Variants in CARNMT1 observed in about 807,000 individuals in gnomAD.
CARNMT1 encodes the protein protein-L-histidine N-pros-methyltransferase CARNMT1.
In CARNMT1, 28 loss-of-function variants were observed where a neutral mutation model predicts 49.6. The observed-to-expected ratio is 0.56, with a 90% CI of 0.42 to 0.77. The LOEUF (loss-of-function observed/expected upper bound fraction) is 0.77. Ranked by LOEUF, CARNMT1 falls within the 30% of genes least tolerant of loss-of-function variation. CARNMT1 has a pLI of 0.00. For synonymous variants in CARNMT1, 178 were observed against 175.0 expected, an observed-to-expected ratio of 1.02 and a Z score of -0.13; for missense variants, 421 against 512.6, an observed-to-expected ratio of 0.82 and a Z score of 1.73.
intron 1 of CARNMT1, among the ~76,000 whole-genome samples, chr9:75,021,691 G>A (rs1246254424): frequency 6.6e-6 from 1 of 151,974 alleles, no homozygotes; most frequent in Admixed American, 6.6e-5. Context: ...AGTATTTTGG[G>A]AGGCCAAGGT....
intron 6 of CARNMT1, 21 bp from the exon 7 acceptor site, chr9:74,985,031 G>T (rs1832789861): frequency 1.3e-6 from 2 of 1,510,496 alleles, no homozygotes; most frequent in Non-Finnish European, 1.8e-6. Flanking sequence ...AAGATACTAT[G>T]AATTACTTGA....
intron 6 of CARNMT1, 81 bp from the exon 7 acceptor site, chr9:74,985,091 A>G (rs1281810286): frequency 1.9e-6 from 2 of 1,037,954 alleles, no homozygotes; most frequent in East Asian, 4.8e-5. Context: ...AAGTTGAGTA[A>G]GTTAGGTACT....
chr9:75,018,147 T>G (rs559205567), intron 1 of CARNMT1, among the ~76,000 whole-genome samples: 131 of 152,244 alleles, frequency 8.6e-4, no homozygotes, highest in African/African-American at 3.2e-3. Flanking sequence ...CTGCAACCTC[T>G]GTCTCCCAGG....
chr9:75,026,428 G>C (rs1822531659), intron 1 of CARNMT1, among the ~76,000 whole-genome samples: 1 of 152,124 alleles, frequency 6.6e-6, no homozygotes. Flanking sequence ...ATTCTTTCTA[G>C]ATTTTTCAAG....
In CARNMT1 at chr9:75,028,055, G is replaced by T. The variant is rs141714453; in HGVS notation, c.187C>A (p.Arg63Ser). 3.2e-6 allele frequency: 5 copies of T among 1,578,314 alleles called. No homozygotes were observed. The highest frequency in any genetic ancestry group is 4.3e-6 in the Non-Finnish European group (5 of 1,164,912). ...STEEEEERLE[R>S]EHFWKIINAF... ...TTAATGATCTTCCAGAAGTGCTCAC[G>T]CTCAAGCCTCTCCTCCTCCTCCTCG... Residue 63 changes from arginine (R) to serine (S), a missense_variant, in exon 1 of 8, where the codon CGT becomes AGT. Around this residue, in one of 2 missense-constraint regions of CARNMT1, gnomAD observed 186 missense variants for 167.9 expected, o/e 1.11. Coordinates refer to ENST00000376834, the MANE Select transcript of CARNMT1 (RefSeq NM_152420.3).
At chr9:75,014,318 G>A (rs550510762) in intron 3 of CARNMT1, among the ~76,000 whole-genome samples, 59 of 152,288 alleles carry the variant, frequency 3.9e-4, no homozygotes, top group Non-Finnish European at 6.0e-4. Flanking sequence ...ACAACTGGGC[G>A]AATAAGTAAA....
intron 1 of CARNMT1, among the ~76,000 whole-genome samples, chr9:75,022,213 CTTTTTTTTTTTTTT>C (rs35783706): frequency 1.4e-4 from 11 of 76,966 alleles, no homozygotes; most frequent in African/African-American, 3.5e-4. Context: ...AGAAGGAATA[CTTTTTTTTTTTTTT>C]TTTTTTTTTT....
Position 75,017,333 on chromosome 9 carries a change from T to C in CARNMT1, c.346A>G (p.Ile116Val), listed in dbSNP as rs767988251. The change falls in exon 2 of 8, where the codon ATT becomes GTT. Residue 116 changes from isoleucine (I) to valine (V), a missense_variant. Transcript: ENST00000376834. ...LLHLDKIRKC[I>V]DHNQEILLTI... ...AGTAGTATTTCTTGATTATGATCAA[T>C]GCATTTCCGGATCTTGTCCAAGTGA... 4 of 1,613,914 alleles carry C rather than the reference T, an allele frequency of 2.5e-6. No individual in the cohort carries two copies. Among genetic ancestry groups the C allele is most frequent in the Non-Finnish European group, 2.5e-6 (3 of 1,179,908 alleles).
chr9:74,988,888 A>G (rs920437447), intron 6 of CARNMT1, among the ~76,000 whole-genome samples: 11 of 152,230 alleles, frequency 7.2e-5, no homozygotes, highest in African/African-American at 2.7e-4. Context: ...ACACTATTTT[A>G]TAACATGTTA....
intron 6 of CARNMT1, 139 bp from the exon 7 acceptor site, chr9:74,985,149 A>G (rs1832795375): frequency 1.6e-6 from 1 of 636,844 alleles, no homozygotes; most frequent in South Asian, 2.1e-5. Context: ...AAATGCCCAG[A>G]CCTCTGAAAA....
chr9:75,009,215 T>C (rs922573723), intron 3 of CARNMT1, among the ~76,000 whole-genome samples: 2 of 152,166 alleles, frequency 1.3e-5, no homozygotes, highest in African/African-American at 2.4e-5. Flanking sequence ...AAAAACCTTA[T>C]TTTAAAAAGT....
intron 1 of CARNMT1, among the ~76,000 whole-genome samples, 175 bp downstream of exon 1, chr9:75,027,837 G>A (rs994144070): frequency 2.6e-5 from 4 of 152,140 alleles, no homozygotes; most frequent in African/African-American, 4.8e-5. Flanking sequence ...GTGCAGGGCC[G>A]GGAGGGGCTG....
intron 3 of CARNMT1, among the ~76,000 whole-genome samples, chr9:75,009,032 C>G (rs1035982035): frequency 3.3e-5 from 5 of 149,678 alleles, no homozygotes; most frequent in African/African-American, 1.2e-4. Context: ...ACGAGTCTAC[C>G]AAGACCATTC....
At chr9:75,007,707 T>C (rs568655175) in intron 3 of CARNMT1, among the ~76,000 whole-genome samples, 36 of 132,388 alleles carry the variant, frequency 2.7e-4, no homozygotes, top group Non-Finnish European at 5.0e-4. Flanking sequence ...CCAGCCTGGG[T>C]GACAGAGCGA....
Position 74,983,586 on chromosome 9 carries a change from T to C in CARNMT1, c.*181A>G. On this transcript the variant is annotated 3_prime_UTR_variant, in exon 8 of 8. Coordinates refer to ENST00000376834, the MANE Select transcript of CARNMT1 (RefSeq NM_152420.3). ...TAGTACAAATCTGCATGGCATAGTATATTTCTGAAAAAGCAATAGACATAT... is the reference window on the plus strand; with the variant it reads ...TAGTACAAATCTGCATGGCATAGTACATTTCTGAAAAAGCAATAGACATAT... 4.3e-6 allele frequency: 2 copies of C among 469,436 alleles called. No homozygotes were observed. Among genetic ancestry groups the C allele is most frequent in the Non-Finnish European group, 7.7e-6 (2 of 259,468 alleles). The allele number at this position is 469,436 out of a possible 1,614,324, so 29.1% of individuals were successfully genotyped here.
intron 1 of CARNMT1, among the ~76,000 whole-genome samples, chr9:75,025,278 T>TATA (rs1822490832): frequency 6.6e-6 from 1 of 152,240 alleles, no homozygotes; most frequent in African/African-American, 2.4e-5. Flanking sequence ...TGTTTACTGC[T>TATA]ATATGCAATT....
At chr9:74,985,300 G>C (rs1281271952) in intron 6 of CARNMT1, among the ~76,000 whole-genome samples, 1 of 152,188 alleles carries the variant, frequency 6.6e-6, no homozygotes, top group African/African-American at 2.4e-5. Context: ...ATCAGAGAAT[G>C]CTAAGTCCTC....
intron 3 of CARNMT1, among the ~76,000 whole-genome samples, chr9:75,003,496 G>A (rs2118809519): frequency 6.6e-6 from 1 of 152,358 alleles, no homozygotes; most frequent in African/African-American, 2.4e-5. Context: ...AGTCTCAACA[G>A]AGACGACATT....
intron 3 of CARNMT1, among the ~76,000 whole-genome samples, chr9:75,005,342 TTGCAAA>T (rs1350579648): frequency 1.3e-5 from 2 of 152,242 alleles, no homozygotes; most frequent in African/African-American, 4.8e-5. Flanking sequence ...CTGCTTGTGC[TTGCAAA>T]CTCAGGCATA....
Sources: allele counts gnomAD v4.1 joint callset (sites outside exome capture counted in the v4.1 genomes callset), GRCh38; gene constraint gnomAD v4.1.1; regional missense constraint gnomAD v4.1.1; transcripts MANE v1.5; gene names NCBI Gene and HGNC (gene_info 2026-07-23, HGNC 2026-07-21).